The following UBE2Q2 variants were observed in gnomAD, a reference collection of about 807,000 sequenced individuals.
UBE2Q2 encodes the protein ubiquitin-conjugating enzyme E2 Q2.
Under a neutral mutation model 59.9 loss-of-function variants are expected in UBE2Q2, and 54 were observed. The ratio of observed to expected loss-of-function variants is 0.90; its 90% CI spans 0.72 to 1.13. The LOEUF (loss-of-function observed/expected upper bound fraction) is 1.13, where lower values mean the gene tolerates loss of function less well. Among genes scored for constraint, UBE2Q2 ranks in the 50% most tolerant of loss-of-function variants. The pLI is 0.00. For synonymous variants in UBE2Q2, 165 were observed against 155.2 expected, an observed-to-expected ratio of 1.06 and a Z score of -0.47; for missense variants, 433 against 441.9, an observed-to-expected ratio of 0.98 and a Z score of 0.18.
intron 9 of UBE2Q2, among the ~76,000 whole-genome samples, chr15:75,888,083 C>G (rs928051232): frequency 2.0e-5 from 3 of 152,288 alleles, no homozygotes; most frequent in Admixed American, 2.0e-4. Context: ...TTTAAATTAA[C>G]AGCTTTATTG....
chr15:75,899,104 CCAA>C (rs1899601331), intron 12 of UBE2Q2, among the ~76,000 whole-genome samples: 2 of 28,178 alleles, frequency 7.1e-5, no homozygotes, highest in Admixed American at 5.4e-4. Context: ...CTACTAAATA[CCAA>C]AAAAAAAAAA....
chr15:75,898,586 G>A (rs560439174), intron 12 of UBE2Q2, among the ~76,000 whole-genome samples: 1 of 152,120 alleles, frequency 6.6e-6, no homozygotes, highest in Non-Finnish European at 1.5e-5. Flanking sequence ...TTGTACAATA[G>A]CTCAAGATGG....
intron 1 of UBE2Q2, 143 bp downstream of exon 1, chr15:75,843,989 C>T: frequency 7.1e-7 from 1 of 1,403,976 alleles, no homozygotes; most frequent in East Asian, 2.8e-5. Flanking sequence ...CGCGACTTGC[C>T]CATCCCAGGC....
intron 3 of UBE2Q2, among the ~76,000 whole-genome samples, chr15:75,865,204 T>A (rs1897397403): frequency 6.6e-6 from 1 of 152,248 alleles, no homozygotes; most frequent in African/African-American, 2.4e-5. Flanking sequence ...TTTCCTTACA[T>A]TTCTCTAGTG....
intron 3 of UBE2Q2, among the ~76,000 whole-genome samples, chr15:75,864,761 T>C (rs1897373180): frequency 6.6e-6 from 1 of 152,208 alleles, no homozygotes; most frequent in African/African-American, 2.4e-5. Flanking sequence ...GAAAGAATCC[T>C]CTTTTAGTTT....
At chr15:75,858,312 T>C (rs2141569321) in intron 2 of UBE2Q2, among the ~76,000 whole-genome samples, 1 of 152,266 alleles carries the variant, frequency 6.6e-6, no homozygotes, top group East Asian at 1.9e-4. Flanking sequence ...AATGATGACG[T>C]TTAAATTTGC....
intron 9 of UBE2Q2, among the ~76,000 whole-genome samples, chr15:75,886,635 C>A (rs1898790263): frequency 6.6e-6 from 1 of 152,004 alleles, no homozygotes. Context: ...CGCCTGTAAT[C>A]CCAGCACTTT....
chr15:75,874,255 A>G (rs1595881438), intron 5 of UBE2Q2, among the ~76,000 whole-genome samples: 2 of 151,754 alleles, frequency 1.3e-5, no homozygotes, highest in African/African-American at 4.8e-5. Context: ...TGACCCAACC[A>G]AAAGTAATTT....
At chr15:75,855,400 A>G (rs1174599738) in intron 2 of UBE2Q2, among the ~76,000 whole-genome samples, 3 of 151,930 alleles carry the variant, frequency 2.0e-5, no homozygotes, top group Non-Finnish European at 4.4e-5. Flanking sequence ...CTGAGGCAGG[A>G]GAATTGCTTG....
At chr15:75,882,192 C>T (rs994351070) in intron 8 of UBE2Q2, among the ~76,000 whole-genome samples, 9 of 152,134 alleles carry the variant, frequency 5.9e-5, no homozygotes, top group African/African-American at 2.2e-4. Context: ...TAAAATGTTC[C>T]TCTTCCTTAA....
chr15:75,887,814 G>C (rs1898870093), intron 9 of UBE2Q2, among the ~76,000 whole-genome samples: 1 of 152,204 alleles, frequency 6.6e-6, no homozygotes, highest in African/African-American at 2.4e-5. Context: ...AGTCATGGGA[G>C]TGGAAGGAGG....
In UBE2Q2 at chr15:75,894,675, C is replaced by A. The variant is rs111934078; in HGVS notation, c.1030-2320C>A. ...TTAGAAGAATAGGAAGGGCTAGACC[C>A]CCAGTACAGTAAAGTCTCTGCAGAA... On this transcript the variant is annotated intron_variant, in intron 11 of 12. Coordinates refer to ENST00000267938, the MANE Select transcript of UBE2Q2 (RefSeq NM_173469.4). 5.8e-3 allele frequency among the ~76,000 whole-genome samples: 888 copies of A among 151,988 alleles called. 10 individuals carry two copies. Among genetic ancestry groups the A allele is most frequent in the African/African-American group, 0.02 (842 of 41,430 alleles).
intron 3 of UBE2Q2, among the ~76,000 whole-genome samples, chr15:75,863,724 C>G (rs978632379): frequency 5.3e-5 from 8 of 152,042 alleles, no homozygotes; most frequent in Admixed American, 5.2e-4. Flanking sequence ...CTCACTGCAG[C>G]CTCCGCTTCG....
intron 3 of UBE2Q2, among the ~76,000 whole-genome samples, chr15:75,868,118 AT>A (rs575926031): frequency 1.8e-4 from 28 of 152,150 alleles, no homozygotes; most frequent in Non-Finnish European, 3.7e-4. Flanking sequence ...AGAGTGTCTA[AT>A]AACAGATGCT....
intron 9 of UBE2Q2, 38 bp from the exon 10 acceptor site, chr15:75,890,397 T>A (rs1480252375): frequency 1.3e-6 from 2 of 1,537,632 alleles, no homozygotes; most frequent in Non-Finnish European, 1.8e-6. Context: ...GAGGAATAAT[T>A]CTCGAGAATT....
rs1186799308 is a variant in UBE2Q2 at position 75,859,999 on chromosome 15, C to A, written c.387+17C>A. The A allele has an allele frequency of 4.5e-6, 7 of 1,555,104 alleles. No individual in the cohort carries two copies. The highest frequency in any genetic ancestry group is 6.1e-6 in the Non-Finnish European group (7 of 1,145,196). Reference sequence around the variant, plus strand: ...ACGGGTCAGGTAAAGTAAAAATTCTCTAGTGTTCAAGAGCTAAATAAATTG... The same window carrying A: ...ACGGGTCAGGTAAAGTAAAAATTCTATAGTGTTCAAGAGCTAAATAAATTG... On this transcript the variant is annotated intron_variant, in intron 3 of 12. Transcript: ENST00000267938.
intron 10 of UBE2Q2, 108 bp downstream of exon 10, chr15:75,890,591 G>A: frequency 1.0e-6 from 1 of 993,284 alleles, no homozygotes; most frequent in Non-Finnish European, 1.5e-6. Context: ...TTAAATTTTA[G>A]TTTATTTTTA....
At chr15:75,872,258 G>T (rs768683073) in intron 4 of UBE2Q2, among the ~76,000 whole-genome samples, 4 of 151,836 alleles carry the variant, frequency 2.6e-5, no homozygotes, top group Non-Finnish European at 5.9e-5. Context: ...CAAAAAGGAG[G>T]CCTATTGAAT....
In UBE2Q2 at chr15:75,868,987, G is replaced by A; in HGVS notation, c.424G>A (p.Glu142Lys). ...TTEEVTSEEE[E>K]EEEEMAEDIE... ...AGAAGAAGTGACTTCAGAAGAAGAG[G>A]AAGAAGAAGAAGAGATGGCTGAAGT... Residue 142 changes from glutamate (E) to lysine (K), a missense_variant, in exon 4 of 13, where the codon GAA (glutamate) becomes AAA (lysine). By Grantham distance (56) the Glu-to-Lys change is moderately conservative. Transcript: ENST00000267938. 1 of 1,608,410 alleles carries A rather than the reference G, an allele frequency of 6.2e-7. No homozygotes were observed. The highest frequency in any genetic ancestry group is 1.1e-5 in the South Asian group (1 of 90,802).
Sources: allele counts gnomAD v4.1 joint callset (sites outside exome capture counted in the v4.1 genomes callset), GRCh38; gene constraint gnomAD v4.1.1; transcripts MANE v1.5; gene names NCBI Gene and HGNC (gene_info 2026-07-23, HGNC 2026-07-21).